TANC2: variants seen among roughly 807,000 people sequenced by gnomAD.
TANC2 encodes the protein protein TANC2.
In TANC2, 26 loss-of-function variants were observed where a neutral mutation model predicts 210.5. The ratio of observed to expected loss-of-function variants is 0.12; its 90% CI spans 0.09 to 0.17. The LOEUF (loss-of-function observed/expected upper bound fraction) is 0.17, where lower values mean the gene tolerates loss of function less well. Among genes scored for constraint, TANC2 ranks in the 10% least tolerant of loss-of-function variants. TANC2 has a pLI of 1.00. For missense variants in TANC2, 2,129 were observed against 2,608.9 expected, an observed-to-expected ratio of 0.82 and a Z score of 4.01; for synonymous variants, 931 against 967.1, an observed-to-expected ratio of 0.96 and a Z score of 0.69.
intron 1 of TANC2, among the ~76,000 whole-genome samples, chr17:63,004,007 C>A (rs1353418746): frequency 3.3e-5 from 5 of 152,130 alleles, no homozygotes; most frequent in Non-Finnish European, 5.9e-5. Flanking sequence ...CAACAACTTT[C>A]AGACTCCTTC....
At chr17:63,270,130 A>C (rs2043653922) in intron 9 of TANC2, among the ~76,000 whole-genome samples, 2 of 152,172 alleles carry the variant, frequency 1.3e-5, no homozygotes, top group South Asian at 2.1e-4. Flanking sequence ...TTTACTTAGC[A>C]GTGTAAAGTA....
chr17:63,306,409 CTCT>C (rs2044907609), intron 9 of TANC2, among the ~76,000 whole-genome samples: 1 of 152,164 alleles, frequency 6.6e-6, no homozygotes, highest in African/African-American at 2.4e-5. Flanking sequence ...TAATAAAACT[CTCT>C]TGATTCCCTT....
chr17:63,108,733 C>T (rs1033895942), intron 4 of TANC2, among the ~76,000 whole-genome samples: 3 of 151,474 alleles, frequency 2.0e-5, no homozygotes, highest in East Asian at 1.9e-4. Context: ...CCCTTGAACC[C>T]GTGAGGCAGA....
At chr17:63,013,891 A>C (rs2033990043) in intron 2 of TANC2, among the ~76,000 whole-genome samples, 1 of 150,946 alleles carries the variant, frequency 6.6e-6, no homozygotes, top group Admixed American at 6.6e-5. Context: ...TTATGTCTTC[A>C]GATTTTAATT....
At chr17:63,320,564 T>A (rs377287073) in intron 11 of TANC2, 3 of 152,256 alleles carry the variant, frequency 2.0e-5, no homozygotes, top group African/African-American at 7.2e-5. Context: ...TCTATGCTTA[T>A]ACTTGCTTAT....
At chr17:63,148,228 A>G (rs190179894) in intron 4 of TANC2, 2 of 152,310 alleles carry the variant, frequency 1.3e-5, no homozygotes, top group East Asian at 3.9e-4. Context: ...TGCTGTCTCT[A>G]TAGTATGTCT....
intron 2 of TANC2, among the ~76,000 whole-genome samples, chr17:63,013,761 T>TA (rs2033981429): frequency 1.2e-5 from 1 of 85,734 alleles, no homozygotes; most frequent in African/African-American, 4.6e-5. Flanking sequence ...GACCCTGTCT[T>TA]TAAAAAAAAA....
chr17:63,097,038 G>GTT (rs879773847), intron 3 of TANC2, among the ~76,000 whole-genome samples: 2 of 144,266 alleles, frequency 1.4e-5, no homozygotes, highest in Admixed American at 7.0e-5. Context: ...GTACTTTGAA[G>GTT]TTTTTTTTTT....
In TANC2 at chr17:63,015,128, T is replaced by C. The variant is rs559767478; in HGVS notation, c.67+5502T>C. Among the ~76,000 whole-genome samples the C allele has an allele frequency of 8.5e-5, 13 of 152,104 alleles. No homozygotes were observed. In the South Asian group the frequency reaches 2.7e-3, roughly 32 times the overall value. On this transcript the variant is annotated intron_variant, in intron 2 of 27. Transcript: ENST00000689528. The stretch of plus-strand genomic sequence containing the variant: ...TTTTTGGGGTTAATAAGGGAAGTTT[T>C]CTCATAGGTATATAATTTTAGGGTT...
At chr17:62,986,910 C>T (rs1185190732) in intron 1 of TANC2, among the ~76,000 whole-genome samples, 1 of 152,110 alleles carries the variant, frequency 6.6e-6, no homozygotes, top group Non-Finnish European at 1.5e-5. Context: ...TCATGTCTAC[C>T]AGGAGTGTCT....
intron 11 of TANC2, among the ~76,000 whole-genome samples, chr17:63,324,424 G>T (rs915483839): frequency 2.0e-5 from 3 of 152,142 alleles, no homozygotes; most frequent in Non-Finnish European, 4.4e-5. Context: ...AGTCATTTCA[G>T]TAATCCTTTA....
chr17:63,297,775 C>T (rs576616559), intron 9 of TANC2, among the ~76,000 whole-genome samples: 1 of 151,776 alleles, frequency 6.6e-6, no homozygotes, highest in Non-Finnish European at 1.5e-5. Flanking sequence ...GAAAAGACAG[C>T]CCACAAAATG....
At chr17:63,290,335 C>G (rs1051933682) in intron 9 of TANC2, among the ~76,000 whole-genome samples, 1 of 152,186 alleles carries the variant, frequency 6.6e-6, no homozygotes, top group Non-Finnish European at 1.5e-5. Flanking sequence ...TACCCTGGCT[C>G]TGGTTCCCAC....
chr17:62,974,892 A>G (rs2031914522), intron 1 of TANC2, among the ~76,000 whole-genome samples: 1 of 152,020 alleles, frequency 6.6e-6, no homozygotes, highest in Non-Finnish European at 1.5e-5. Context: ...TACGTAAGCA[A>G]TAATAGTGGA....
intron 14 of TANC2, among the ~76,000 whole-genome samples, chr17:63,375,016 AAGAG>A (rs1367756811): frequency 1.3e-5 from 2 of 152,276 alleles, no homozygotes; most frequent in African/African-American, 4.8e-5. Flanking sequence ...ATTTAAAAAA[AAGAG>A]AGAGAGATGG....
chr17:63,369,758 A>G (rs2047210955), intron 14 of TANC2, among the ~76,000 whole-genome samples: 1 of 151,802 alleles, frequency 6.6e-6, no homozygotes. Context: ...ATGCCCCACC[A>G]TGCCGGGCTA....
At chr17:62,972,366 C>T (rs2031749505) in intron 1 of TANC2, among the ~76,000 whole-genome samples, 1 of 152,018 alleles carries the variant, frequency 6.6e-6, no homozygotes, top group South Asian at 2.1e-4. Context: ...CCTTTTCTTC[C>T]CCGTAATATC....
At chr17:63,178,421 A>G (rs1469290007) in intron 5 of TANC2, among the ~76,000 whole-genome samples, 3 of 152,192 alleles carry the variant, frequency 2.0e-5, no homozygotes, top group African/African-American at 7.2e-5. Flanking sequence ...ATTGATTCTC[A>G]CAGCTAGGAG....
chr17:63,026,871 A>G (rs1054492003), intron 2 of TANC2, among the ~76,000 whole-genome samples: 1 of 152,100 alleles, frequency 6.6e-6, no homozygotes, highest in African/African-American at 2.4e-5. Context: ...TTTTAGCCTA[A>G]AGATTTATTC....
Sources: gnomAD v4.1 joint callset for allele counts (sites outside exome capture counted in the v4.1 genomes callset) on GRCh38, gnomAD v4.1.1 for gene constraint, MANE v1.5 for transcripts, NCBI Gene and HGNC (gene_info 2026-07-23, HGNC 2026-07-21) for gene names.